The following IQGAP2 variants were observed in gnomAD, a reference collection of about 807,000 sequenced individuals.
IQGAP2 encodes the protein ras GTPase-activating-like protein IQGAP2.
In IQGAP2, 173 loss-of-function variants were observed where a neutral mutation model predicts 201.3. That is an observed-to-expected ratio of 0.86 (90% CI 0.76 to 0.98). The LOEUF is 0.98. IQGAP2 is among the 50% of genes least tolerant of loss of function. The probability of loss-of-function intolerance (pLI) is 0.00; values close to 1 mark genes in which losing one functional copy is unlikely to be tolerated. For missense variants in IQGAP2, 1,687 were observed against 1,864.8 expected (o/e 0.90, Z 1.76); for synonymous variants, 675 against 673.9 (o/e 1.00, Z -0.03).
intron 23 of IQGAP2, 122 bp downstream of exon 23, chr5:76,668,966 T>C (rs1026219591): frequency 1.4e-5 from 8 of 586,476 alleles, no homozygotes; most frequent in Non-Finnish European, 2.2e-5. Context: ...TATTAAAATA[T>C]ATCAAGTTTC....
At chr5:76,500,550 T>C (rs1205045072) in intron 2 of IQGAP2, among the ~76,000 whole-genome samples, 1 of 152,220 alleles carries the variant, frequency 6.6e-6, no homozygotes, top group Non-Finnish European at 1.5e-5. Context: ...ATGGAACATA[T>C]ATGTATGAAT....
Position 76,707,860 on chromosome 5 carries a change from G to T in IQGAP2, c.*547G>T, listed in dbSNP as rs1320773704. The T allele has an allele frequency of 2.0e-5, 3 of 152,640 alleles. 1 individual carries two copies. Among genetic ancestry groups the T allele is most frequent in the Admixed American group, 6.5e-5 (1 of 15,276 alleles). 9.5% of individuals were successfully genotyped at this position (152,640 alleles called of 1,614,324 possible). ...AAATGACAACACAATAACACTTTCT[G>T]TATAAAAGTATATATTTTATGTGAT... On this transcript the variant is annotated 3_prime_UTR_variant, in exon 36 of 36. Transcript: ENST00000274364.
In IQGAP2 at chr5:76,683,795, C is replaced by CA. The variant is rs776686991; in HGVS notation, c.3785dup (p.Asn1262LysfsTer2). On this transcript the variant is annotated frameshift_variant, in exon 30 of 36. Transcript: ENST00000274364. LOFTEE classifies it high-confidence loss of function. ...CTACAGGGGAAGGAGCAGTTGACCC[C>CA]AATGACCCTAACAAGGCAAATACAC... The CA allele has an allele frequency of 5.6e-6, 9 of 1,612,174 alleles. No homozygotes were observed. The highest frequency in any genetic ancestry group is 7.6e-6 in the Non-Finnish European group (9 of 1,179,162).
chr5:76,671,218 G>A (rs569877592), intron 23 of IQGAP2, among the ~76,000 whole-genome samples: 2 of 151,666 alleles, frequency 1.3e-5, no homozygotes, highest in African/African-American at 2.4e-5. Flanking sequence ...CCAAGATGGC[G>A]CTACTACTCT....
At chr5:76,533,901 C>T (rs74983946) in intron 2 of IQGAP2, among the ~76,000 whole-genome samples, 2,355 of 152,286 alleles carry the variant, frequency 0.015, 51 homozygotes, top group African/African-American at 0.053. Context: ...ATTCTGAATA[C>T]GAACCCTTTG....
At chr5:76,459,929 G>A (rs551339114) in intron 1 of IQGAP2, among the ~76,000 whole-genome samples, 25 of 152,244 alleles carry the variant, frequency 1.6e-4, no homozygotes, top group African/African-American at 5.8e-4. Context: ...GTGAGCCACC[G>A]TGCCTGGCCT....
chr5:76,431,686 G>A (rs1386193695), intron 1 of IQGAP2, among the ~76,000 whole-genome samples: 1 of 152,080 alleles, frequency 6.6e-6, no homozygotes, highest in African/African-American at 2.4e-5. Flanking sequence ...AGCCAAGCGT[G>A]GTAGCGCTTG....
intron 1 of IQGAP2, among the ~76,000 whole-genome samples, chr5:76,434,199 A>G (rs568047842): frequency 6.6e-6 from 1 of 152,340 alleles, no homozygotes; most frequent in South Asian, 2.1e-4. Context: ...AAATTTTTAA[A>G]GAAATTTCAA....
intron 24 of IQGAP2, 122 bp downstream of exon 24, chr5:76,672,105 G>A: frequency 1.4e-6 from 1 of 706,574 alleles, no homozygotes; most frequent in Non-Finnish European, 2.4e-6. Flanking sequence ...AATCCAAAAT[G>A]TTACCTCCCT....
chr5:76,451,099 G>T (rs1251841919), intron 1 of IQGAP2, among the ~76,000 whole-genome samples: 2 of 152,072 alleles, frequency 1.3e-5, no homozygotes, highest in Non-Finnish European at 2.9e-5. Context: ...ACAGTGAAAT[G>T]CCTTTATGTT....
intron 21 of IQGAP2, among the ~76,000 whole-genome samples, chr5:76,659,736 C>T (rs894798742): frequency 3.3e-5 from 5 of 152,112 alleles, no homozygotes; most frequent in Non-Finnish European, 5.9e-5. Flanking sequence ...CACAGAGCAC[C>T]TCTCATCCCC....
chr5:76,637,767 C>A (rs995240494), intron 16 of IQGAP2, among the ~76,000 whole-genome samples: 8 of 152,192 alleles, frequency 5.3e-5, no homozygotes, highest in African/African-American at 1.7e-4. Context: ...TCTGGATGTA[C>A]CCATGTCCAA....
Position 76,403,479 on chromosome 5 carries a change from C to T in IQGAP2, c.-67C>T, listed in dbSNP as rs1434332830. 2.4e-6 allele frequency: 3 copies of T among 1,274,032 alleles called. No individual in the cohort carries two copies. The highest frequency in any genetic ancestry group is 3.2e-5 in the African/African-American group (2 of 63,046). 78.9% of individuals were successfully genotyped at this position (1,274,032 alleles called of 1,614,324 possible). On this transcript the variant is annotated 5_prime_UTR_variant, in exon 1 of 36. Transcript: ENST00000274364. This position sits in a 1 kb window ranked among gnomAD's most constrained non-coding sequence, Gnocchi z 4.8. The stretch of plus-strand genomic sequence containing the variant: ...GAGCGCGCCGGCGGGGCGCAGAGCC[C>T]GCGAGCCTGGCCAGCGAGGGTAGCC...
rs532292018 is a variant in IQGAP2 at position 76,586,348 on chromosome 5, T to TA, written c.459-2544dup. Among the ~76,000 whole-genome samples, 791 of 141,676 alleles carry TA rather than the reference T, an allele frequency of 5.6e-3. 7 individuals carry two copies. The highest frequency in any genetic ancestry group is 0.019 in the East Asian group (91 of 4,908). The allele number at this position is 141,676 out of a possible 152,430, so 92.9% of individuals were successfully genotyped here. A position where few individuals can be genotyped will look rare whatever the true frequency, so the allele number is the denominator to read the frequency against. ...ATTAAAACTAATGTTACACATATGG[T>TA]AAAAAAAAAAAAAATGTTCTTTGTC... On this transcript the variant is annotated intron_variant, in intron 5 of 35. Transcript: ENST00000274364.
intron 1 of IQGAP2, among the ~76,000 whole-genome samples, chr5:76,431,556 G>A (rs1338606805): frequency 6.6e-6 from 1 of 152,038 alleles, no homozygotes; most frequent in Non-Finnish European, 1.5e-5. Context: ...CGGGCACGGT[G>A]GCTCATGCCT....
chr5:76,409,905 C>T (rs1423987663), intron 1 of IQGAP2, among the ~76,000 whole-genome samples: 1 of 152,202 alleles, frequency 6.6e-6, no homozygotes, highest in Non-Finnish European at 1.5e-5. Context: ...GGTTTGAATT[C>T]TGACTTCCAT....
Position 76,643,027 on chromosome 5 carries a change from A to G in IQGAP2, c.2094+1924A>G, listed in dbSNP as rs145680318. Among the ~76,000 whole-genome samples the G allele has an allele frequency of 3.3e-5, 5 of 152,350 alleles. 1 individual carries two copies. Among genetic ancestry groups the G allele is most frequent in the Admixed American group, 2.6e-4 (4 of 15,296 alleles). ...AATTGCCTGAGTGAGCCAGAAAAAA[A>G]AATCTGTTCATAAACAAAAAAGATT... On this transcript the variant is annotated intron_variant, in intron 17 of 35. Transcript: ENST00000274364.
intron 1 of IQGAP2, among the ~76,000 whole-genome samples, chr5:76,443,528 G>A (rs904383325): frequency 1.3e-5 from 2 of 151,146 alleles, no homozygotes; most frequent in African/African-American, 4.9e-5. Context: ...TATTAAGAGA[G>A]TATGAGTTTC....
At chr5:76,411,886 G>GT (rs1751140249) in intron 1 of IQGAP2, among the ~76,000 whole-genome samples, 1 of 152,286 alleles carries the variant, frequency 6.6e-6, no homozygotes, top group South Asian at 2.1e-4. Flanking sequence ...GGAGCCATTG[G>GT]GAAGGCTGAG....
Sources: gnomAD v4.1 joint callset for allele counts (sites outside exome capture counted in the v4.1 genomes callset) on GRCh38, gnomAD v4.1.1 for gene constraint, Gnocchi (gnomAD v3.1) non-coding constraint, MANE v1.5 for transcripts, NCBI Gene and HGNC (gene_info 2026-07-23, HGNC 2026-07-21) for gene names.